The following RAP1GAP2 variants were observed in gnomAD, a reference collection of about 807,000 sequenced individuals.
RAP1GAP2 encodes rap1 GTPase-activating protein 2.
Under a neutral mutation model 95.0 loss-of-function variants are expected in RAP1GAP2, and 27 were observed. The ratio of observed to expected loss-of-function variants is 0.28; its 90% confidence interval spans 0.21 to 0.39. RAP1GAP2 has a LOEUF of 0.39. Among genes scored for constraint, RAP1GAP2 ranks in the 10% least tolerant of loss-of-function variants. RAP1GAP2 has a pLI of 1.00. For missense variants in RAP1GAP2, 771 were observed against 970.0 expected (o/e 0.79, Z 2.72); for synonymous variants, 373 against 380.9 (o/e 0.98, Z 0.24).
At chr17:2,908,201 C>T (rs2042263926) in intron 3 of RAP1GAP2, among the ~76,000 whole-genome samples, 2 of 152,150 alleles carry the variant, frequency 1.3e-5, no homozygotes, top group South Asian at 4.1e-4. Context: ...TTCAGGCAGC[C>T]GAGAGAGAGA....
Position 3,002,175 on chromosome 17 carries a change from C to A in RAP1GAP2, c.1201-3194C>A, listed in dbSNP as rs1459480807. The stretch of plus-strand genomic sequence containing the variant: ...ACGGGGTTTCACCATGTTGGCCAGA[C>A]CGGCCTTGAACTCCTGACTTTGTGA... On this transcript the variant is annotated intron_variant, in intron 14 of 24. Coordinates refer to ENST00000254695, the MANE Select transcript of RAP1GAP2 (RefSeq NM_015085.5). 2.0e-5 allele frequency among the ~76,000 whole-genome samples: 3 copies of A among 152,170 alleles called. No individual in the cohort carries two copies. In the East Asian group the frequency reaches 5.8e-4, roughly 29 times the overall value.
intron 2 of RAP1GAP2, among the ~76,000 whole-genome samples, chr17:2,876,073 G>C (rs2073084898): frequency 6.6e-6 from 1 of 151,816 alleles, no homozygotes; most frequent in African/African-American, 2.4e-5. Context: ...GAGTGGCTGG[G>C]ACTACAGGCA....
At chr17:2,770,094 A>T (rs2068360394) in intron 1 of RAP1GAP2, among the ~76,000 whole-genome samples, 1 of 147,954 alleles carries the variant, frequency 6.8e-6, no homozygotes, top group African/African-American at 2.5e-5. Flanking sequence ...AAAAAAAAAA[A>T]GAAGAAGAAA....
At position 2,855,041 on chromosome 17, in the gene RAP1GAP2, G is replaced by A. The variant is rs554431290; in HGVS notation, c.81-50243G>A. 6.6e-6 allele frequency among the ~76,000 whole-genome samples: 1 copy of A among 152,290 alleles called. No individual in the cohort carries two copies. Among genetic ancestry groups the A allele is most frequent in the Non-Finnish European group, 1.5e-5 (1 of 68,028 alleles). ...CGGGCAGTGGAACCAGAGACACCTG[G>A]GGGTGACCAGCAGCCCCTGGATATG... On this transcript the variant is annotated intron_variant, in intron 2 of 24. Transcript: ENST00000254695. The surrounding 1 kb of genome is among the most constrained non-coding windows in gnomAD (Gnocchi z 4.3).
intron 3 of RAP1GAP2, among the ~76,000 whole-genome samples, chr17:2,908,963 C>G (rs551929779): frequency 6.6e-6 from 1 of 152,264 alleles, no homozygotes; most frequent in East Asian, 1.9e-4. Context: ...GCCTTGACCT[C>G]CCAAAGTGCT....
chr17:2,912,747 C>T (rs1000893686), intron 3 of RAP1GAP2, among the ~76,000 whole-genome samples: 1 of 152,202 alleles, frequency 6.6e-6, no homozygotes, highest in Non-Finnish European at 1.5e-5. Flanking sequence ...ACAACCCCAT[C>T]TCCTCAGGAG....
intron 11 of RAP1GAP2, among the ~76,000 whole-genome samples, chr17:2,988,223 A>T (rs1440493101): frequency 1.3e-5 from 2 of 149,196 alleles, no homozygotes; most frequent in African/African-American, 5.0e-5. Flanking sequence ...AAAAAAAAAA[A>T]TTACTAACCT....
At chr17:2,756,892 G>A (rs932931302) in intron 1 of RAP1GAP2, among the ~76,000 whole-genome samples, 1 of 152,112 alleles carries the variant, frequency 6.6e-6, no homozygotes, top group African/African-American at 2.4e-5. Flanking sequence ...GTAGAGGCAA[G>A]GTTTGAACCA....
upstream of RAP1GAP2, among the ~76,000 whole-genome samples, chr17:2,792,863 C>T (rs756455605): frequency 1.5e-4 from 23 of 152,218 alleles, no homozygotes; most frequent in Non-Finnish European, 2.1e-4. Flanking sequence ...GAGTCTGTCC[C>T]GGCTCTGGGA....
intron 2 of RAP1GAP2, among the ~76,000 whole-genome samples, chr17:2,848,927 A>AG (rs1359665270): frequency 1.3e-5 from 2 of 151,934 alleles, no homozygotes; most frequent in Non-Finnish European, 2.9e-5. Context: ...CTTCCTCCTA[A>AG]GGGGGCATCC....
At chr17:2,777,738 G>T (rs1198655595) in intron 1 of RAP1GAP2, among the ~76,000 whole-genome samples, 2 of 152,208 alleles carry the variant, frequency 1.3e-5, no homozygotes, top group African/African-American at 4.8e-5. Context: ...GCTGGGATGT[G>T]CCCTGTTGAG....
chr17:3,001,582 G>A (rs1260552097), intron 14 of RAP1GAP2, among the ~76,000 whole-genome samples: 4 of 144,518 alleles, frequency 2.8e-5, no homozygotes, highest in Non-Finnish European at 6.0e-5. Context: ...GAGGCTCGTG[G>A]AGGTAACAAG....
rs551444346 is a variant in RAP1GAP2, at chr17:3,008,811, G to A, written c.1494+666G>A. 3.3e-5 allele frequency among the ~76,000 whole-genome samples: 5 copies of A among 152,184 alleles called. No homozygotes were observed. Among genetic ancestry groups the A allele is most frequent in the African/African-American group, 7.2e-5 (3 of 41,450 alleles). On this transcript the variant is annotated intron_variant, in intron 17 of 24. Coordinates refer to ENST00000254695, the MANE Select transcript of RAP1GAP2 (RefSeq NM_015085.5). The surrounding 1 kb of genome is among the most constrained non-coding windows in gnomAD (Gnocchi z 4.2). ...GAGTGCTTGTTGGTCCACGCAGCAC[G>A]TAGACCCAGCATCTGGCTCGAGCCT...
At chr17:2,854,527 G>GC (rs1469713598) in intron 2 of RAP1GAP2, among the ~76,000 whole-genome samples, 1 of 152,248 alleles carries the variant, frequency 6.6e-6, no homozygotes, top group African/African-American at 2.4e-5. Context: ...CGCTTGCTCT[G>GC]CGCTCGGTGC....
chr17:3,026,248 C>A, intron 20 of RAP1GAP2, 102 bp from the exon 21 acceptor site: 8 of 1,301,004 alleles, frequency 6.1e-6, no homozygotes, highest in South Asian at 1.3e-5. Context: ...CAAAGGCCGA[C>A]GGGTGGGGGC....
At chr17:2,972,598 CAA>C (rs35539479) in intron 8 of RAP1GAP2, among the ~76,000 whole-genome samples, 19 of 85,502 alleles carry the variant, frequency 2.2e-4, no homozygotes, top group Middle Eastern at 8.6e-3. Flanking sequence ...AAGTCCTTCT[CAA>C]AAAAAAAAAA....
intron 3 of RAP1GAP2, among the ~76,000 whole-genome samples, chr17:2,921,703 C>T (rs905716941): frequency 1.3e-4 from 13 of 98,312 alleles, no homozygotes; most frequent in Non-Finnish European, 6.5e-5. Context: ...TCCGCAGGGC[C>T]GTTATGTGTC....
intron 3 of RAP1GAP2, among the ~76,000 whole-genome samples, chr17:2,922,493 T>G: frequency 6.6e-6 from 1 of 152,160 alleles, no homozygotes; most frequent in East Asian, 1.9e-4. Context: ...GGTGGGAGCT[T>G]GGTGAGGTCC....
rs78806951 is a variant in RAP1GAP2 at position 2,869,734 on chromosome 17, C to T, written c.81-35550C>T. Among the ~76,000 whole-genome samples, 198 of 152,318 alleles carry T rather than the reference C, an allele frequency of 1.3e-3. 4 individuals are homozygous for T. The East Asian group carries it at 0.023, about 18-fold the overall frequency. On this transcript the variant is annotated intron_variant, in intron 2 of 24. Coordinates refer to ENST00000254695, the MANE Select transcript of RAP1GAP2 (RefSeq NM_015085.5). The stretch of plus-strand genomic sequence containing the variant: ...GAAGGTCAGGTCCCGGGAGCAGGTG[C>T]GGGCAGCGCTGGGCCACCTTCTGCG...
Sources: gnomAD v4.1 joint callset for allele counts (sites outside exome capture counted in the v4.1 genomes callset) on GRCh38, gnomAD v4.1.1 for gene constraint, Gnocchi (gnomAD v3.1) non-coding constraint, MANE v1.5 for transcripts, NCBI Gene and HGNC (gene_info 2026-07-23, HGNC 2026-07-21) for gene names.